Variants in CBLN2 observed in about 807,000 individuals in gnomAD.
CBLN2 encodes cerebellin-2.
Under a neutral mutation model 15.0 loss-of-function variants are expected in CBLN2, and 7 were observed. That is an observed-to-expected ratio of 0.47 (90% CI 0.27 to 0.88). CBLN2 has a LOEUF of 0.88. Among genes scored for constraint, CBLN2 ranks in the 40% least tolerant of loss-of-function variants. The pLI, the probability that CBLN2 is intolerant of heterozygous loss-of-function variation, is 0.14. For synonymous variants in CBLN2, 149 were observed against 135.2 expected, an observed-to-expected ratio of 1.10 and a Z score of -0.71; for missense variants, 242 against 304.5, an observed-to-expected ratio of 0.79 and a Z score of 1.53.
At chr18:72,552,636 A>T (rs2069198742) in intron 1 of CBLN2, 1 of 152,312 alleles carries the variant, frequency 6.6e-6, no homozygotes, top group East Asian at 1.9e-4. Context: ...TGAGATGCTC[A>T]CTAAAATTAT....
At chr18:72,575,137 T>C (rs2069356566) in intron 1 of CBLN2, among the ~76,000 whole-genome samples, 1 of 152,058 alleles carries the variant, frequency 6.6e-6, no homozygotes, top group African/African-American at 2.4e-5. Flanking sequence ...ACAGGGCTGC[T>C]AAAGGGATGG....
chr18:72,538,488 C>G, intron 4 of CBLN2, 115 bp from the exon 5 acceptor site: 1 of 1,420,710 alleles, frequency 7.0e-7, no homozygotes, highest in African/African-American at 1.4e-5. Flanking sequence ...GAGTACACAT[C>G]AGGGGAGCCT....
chr18:72,544,904 A>AT (rs201213669), upstream of CBLN2, among the ~76,000 whole-genome samples: 23 of 151,034 alleles, frequency 1.5e-4, no homozygotes, highest in South Asian at 8.3e-4. Flanking sequence ...CTATAGCCTG[A>AT]TTTTTTTTTA....
chr18:72,574,865 G>A lies in CBLN2; in HGVS notation c.16-36093C>T, dbSNP rs574969734. ...TGAAGTTCCTAGTGATAAATTTGAA[G>A]GGCAAATTCAGTCATCATGGTTGCA... On this transcript the variant is annotated intron_variant, in intron 1 of 2. Coordinates refer to the CBLN2 transcript ENST00000581073. 2.0e-5 allele frequency among the ~76,000 whole-genome samples: 3 copies of A among 152,220 alleles called. No homozygotes were observed. The South Asian group carries it at 6.2e-4, about 32-fold the overall frequency.
chr18:72,577,818 G>A (rs1277180393), intron 1 of CBLN2, among the ~76,000 whole-genome samples: 1 of 152,146 alleles, frequency 6.6e-6, no homozygotes, highest in Non-Finnish European at 1.5e-5. Context: ...AATATGATGA[G>A]CATTTGTAGC....
At chr18:72,611,149 T>C (rs1234802866) in intron 1 of CBLN2, among the ~76,000 whole-genome samples, 3 of 152,332 alleles carry the variant, frequency 2.0e-5, no homozygotes, top group South Asian at 4.1e-4. Flanking sequence ...CATTGATGGA[T>C]ATGTAGGTTG....
intron 1 of CBLN2, among the ~76,000 whole-genome samples, chr18:72,637,767 T>A (rs2069823741): frequency 1.3e-5 from 2 of 152,200 alleles, no homozygotes; most frequent in Admixed American, 1.3e-4. Flanking sequence ...GGATCTTTCA[T>A]TCCCTGAGAG....
intron 1 of CBLN2, among the ~76,000 whole-genome samples, chr18:72,619,998 A>C (rs1448250468): frequency 6.6e-6 from 1 of 152,200 alleles, no homozygotes; most frequent in African/African-American, 2.4e-5. Context: ...TGTTGGGGGA[A>C]CACATGGGTG....
chr18:72,619,233 G>A, intron 1 of CBLN2: 1 of 930,174 alleles, frequency 1.1e-6, no homozygotes, highest in Non-Finnish European at 1.7e-6. Context: ...ATTACAGTCA[G>A]GAAACAAAGC....
rs118103496 is a variant in CBLN2, at chr18:72,630,168, G to A, written c.15+8157C>T. Among the ~76,000 whole-genome samples, 53 of 152,220 alleles carry A rather than the reference G, an allele frequency of 3.5e-4. No individual in the cohort carries two copies. The East Asian group carries it at 0.01, about 29-fold the overall frequency. On this transcript the variant is annotated intron_variant, in intron 1 of 2. Coordinates refer to the CBLN2 transcript ENST00000581073. ...CAATCCCCTGGAAGACTATATACCA[G>A]CATGGTATCACTTTTTATACCACAA... is the stretch of plus-strand genomic sequence containing the variant.
intron 1 of CBLN2, among the ~76,000 whole-genome samples, chr18:72,569,728 T>G (rs1432561124): frequency 6.6e-6 from 1 of 152,036 alleles, no homozygotes; most frequent in African/African-American, 2.4e-5. Context: ...TCGTGTGAAC[T>G]ACCAGAGTGG....
At chr18:72,613,756 A>C (rs986671408) in intron 1 of CBLN2, among the ~76,000 whole-genome samples, 1 of 152,132 alleles carries the variant, frequency 6.6e-6, no homozygotes, top group African/African-American at 2.4e-5. Context: ...ATTTATTTAC[A>C]CGTTTTCCTG....
intron 1 of CBLN2, among the ~76,000 whole-genome samples, chr18:72,624,728 T>TG (rs1430225318): frequency 6.6e-6 from 1 of 152,218 alleles, no homozygotes; most frequent in Non-Finnish European, 1.5e-5. Context: ...TTAATTTTGC[T>TG]GAGATAGCTT....
intron 1 of CBLN2, among the ~76,000 whole-genome samples, chr18:72,617,442 A>G (rs1020773345): frequency 6.6e-6 from 1 of 152,222 alleles, no homozygotes; most frequent in African/African-American, 2.4e-5. Context: ...AGTATGTTTT[A>G]TAGTATATCA....
In CBLN2 at chr18:72,537,890, T is replaced by C; in HGVS notation, c.*286A>G. The C allele has an allele frequency of 2.2e-6, 1 of 456,198 alleles. No individual in the cohort carries two copies. The highest frequency in any genetic ancestry group is 2.5e-5 in the South Asian group (1 of 40,408). The allele number at this position is 456,198 out of a possible 1,614,324, so 28.3% of individuals were successfully genotyped here. A position where few individuals can be genotyped will look rare whatever the true frequency, so the allele number is the denominator to read the frequency against. ...CCATGGTCCCAACAATAAAATCCGA[T>C]ATTGACTTTACAATCACAGGTACAA... is the stretch of plus-strand genomic sequence containing the variant. On this transcript the variant is annotated 3_prime_UTR_variant, in exon 5 of 5. Transcript: ENST00000269503.
At chr18:72,562,746 A>C (rs1407443523) in intron 1 of CBLN2, among the ~76,000 whole-genome samples, 2 of 152,242 alleles carry the variant, frequency 1.3e-5, no homozygotes, top group Admixed American at 6.5e-5. Flanking sequence ...TTAGTCTGCC[A>C]AGTATAATTT....
chr18:72,613,871 T>C (rs1431584034), intron 1 of CBLN2, among the ~76,000 whole-genome samples: 1 of 152,202 alleles, frequency 6.6e-6, no homozygotes, highest in Non-Finnish European at 1.5e-5. Context: ...CCTTTCAAAT[T>C]CATATTAGCG....
rs2069139412 is a variant in CBLN2, at chr18:72,544,113, T to C, written c.-348A>G. On this transcript the variant is annotated 5_prime_UTR_variant, in exon 1 of 5. Coordinates refer to ENST00000269503, the MANE Select transcript of CBLN2 (RefSeq NM_182511.4). ...CTCCAAGTCTTAATATTGAATGGCG[T>C]GACCACTTTCATAATGACAGGAGCG... The C allele has an allele frequency of 6.7e-6, 1 of 148,464 alleles. No individual in the cohort carries two copies. The highest frequency in any genetic ancestry group is 1.5e-5 in the Non-Finnish European group (1 of 67,568). The allele number at this position is 148,464 out of a possible 1,614,324, so 9.2% of individuals were successfully genotyped here.
chr18:72,615,983 G>A (rs1295471557), intron 1 of CBLN2, among the ~76,000 whole-genome samples: 1 of 151,940 alleles, frequency 6.6e-6, no homozygotes, highest in Non-Finnish European at 1.5e-5. Flanking sequence ...GACTCCTGTC[G>A]ACTTTTAACA....
Sources: allele counts gnomAD v4.1 joint callset (sites outside exome capture counted in the v4.1 genomes callset), GRCh38; gene constraint gnomAD v4.1.1; transcripts MANE v1.5; gene names NCBI Gene and HGNC (gene_info 2026-07-23, HGNC 2026-07-21).